MBOAT1: variants seen among roughly 807,000 people sequenced by gnomAD.
The protein encoded by MBOAT1 is membrane bound glycerophospholipid O-acyltransferase 1.
Under a neutral mutation model 64.4 loss-of-function variants are expected in MBOAT1, and 67 were observed. The ratio of observed to expected loss-of-function variants is 1.04; its 90% confidence interval spans 0.85 to 1.27. The LOEUF (loss-of-function observed/expected upper bound fraction) is 1.27, where lower values mean the gene tolerates loss of function less well. Ranked by LOEUF, MBOAT1 falls within the 50% of genes most tolerant of loss-of-function variation. The pLI is 0.00. For missense variants in MBOAT1, 563 were observed against 604.6 expected (o/e 0.93, Z 0.72); for synonymous variants, 229 against 218.9 (o/e 1.05, Z -0.41).
intron 5 of MBOAT1, 73 bp downstream of exon 5, chr6:20,131,071 T>A: frequency 7.5e-7 from 1 of 1,328,432 alleles, no homozygotes; most frequent in Admixed American, 1.7e-5. Context: ...TTGGACTGTG[T>A]ACATAGTATA....
chr6:20,205,758 GC>G (rs955441800), intron 1 of MBOAT1, among the ~76,000 whole-genome samples: 3 of 151,804 alleles, frequency 2.0e-5, no homozygotes, highest in South Asian at 4.2e-4. Flanking sequence ...CTTCCAAAAG[GC>G]CCCCCCACCC....
At chr6:20,200,507 G>A (rs1464212778) in intron 1 of MBOAT1, among the ~76,000 whole-genome samples, 1 of 152,144 alleles carries the variant, frequency 6.6e-6, no homozygotes, top group Non-Finnish European at 1.5e-5. Context: ...AGGCCAGTAG[G>A]AGGCAGAGCC....
At chr6:20,105,543 T>C (rs1414906626) in intron 12 of MBOAT1, among the ~76,000 whole-genome samples, 7 of 152,194 alleles carry the variant, frequency 4.6e-5, no homozygotes, top group Non-Finnish European at 8.8e-5. Context: ...GGTGGGTAGA[T>C]TGCTTGAGTC....
chr6:20,185,252 ACAAT>A (rs764388208), intron 1 of MBOAT1, among the ~76,000 whole-genome samples: 9 of 152,278 alleles, frequency 5.9e-5, no homozygotes, highest in Admixed American at 1.3e-4. Context: ...CAAGACCCTG[ACAAT>A]CAATCAATCA....
chr6:20,188,091 A>G (rs1325332931), intron 1 of MBOAT1, among the ~76,000 whole-genome samples: 5 of 152,200 alleles, frequency 3.3e-5, no homozygotes, highest in African/African-American at 1.2e-4. Context: ...AACCCTACGA[A>G]CTACAAGGGC....
chr6:20,171,648 A>T (rs1762200584), intron 1 of MBOAT1, among the ~76,000 whole-genome samples: 1 of 152,012 alleles, frequency 6.6e-6, no homozygotes. Context: ...TCAAATCCTC[A>T]CTCCCAACTT....
At chr6:20,125,079 A>G (rs1370100560) in intron 7 of MBOAT1, among the ~76,000 whole-genome samples, 3 of 152,146 alleles carry the variant, frequency 2.0e-5, no homozygotes. Context: ...GCCAGCCAGG[A>G]CATGGGCAGG....
chr6:20,133,825 G>C (rs1278654337), intron 4 of MBOAT1, among the ~76,000 whole-genome samples: 1 of 152,190 alleles, frequency 6.6e-6, no homozygotes, highest in Non-Finnish European at 1.5e-5. Context: ...TACATGTGCT[G>C]TGGCCGTAGA....
intron 1 of MBOAT1, among the ~76,000 whole-genome samples, chr6:20,193,045 G>A (rs1214805436): frequency 9.1e-5 from 10 of 109,574 alleles, no homozygotes; most frequent in Non-Finnish European, 1.2e-4. Context: ...TCGCTCTGTC[G>A]CCCAGGCTGG....
chr6:20,189,140 C>T (rs1751701323), intron 1 of MBOAT1, among the ~76,000 whole-genome samples: 1 of 152,110 alleles, frequency 6.6e-6, no homozygotes, highest in South Asian at 2.1e-4. Flanking sequence ...CATTTTGCAC[C>T]CCCTAAGAAT....
intron 5 of MBOAT1, among the ~76,000 whole-genome samples, chr6:20,130,089 A>T (rs1384929780): frequency 6.6e-6 from 1 of 152,184 alleles, no homozygotes; most frequent in Non-Finnish European, 1.5e-5. Flanking sequence ...ATAAATTTCA[A>T]CCTCTCAACA....
In MBOAT1 at chr6:20,212,389, C is replaced by A. The variant is rs541720448; in HGVS notation, c.-155G>T. ...CGGGAGGCCGGGGAATGCGAACCGG[C>A]GCAAACTCTCGAGGCGCAAACTCTC... On this transcript the variant is annotated 5_prime_UTR_variant, in exon 1 of 13. Coordinates refer to ENST00000324607, the MANE Select transcript of MBOAT1 (RefSeq NM_001080480.3). The A allele has an allele frequency of 5.0e-5, 33 of 654,542 alleles. No homozygotes were observed. In the South Asian group the frequency reaches 6.3e-4, roughly 13 times the overall value. 40.5% of individuals were successfully genotyped at this position (654,542 alleles called of 1,614,324 possible).
intron 8 of MBOAT1, among the ~76,000 whole-genome samples, chr6:20,123,142 A>T (rs1035286485): frequency 6.0e-5 from 9 of 150,634 alleles, no homozygotes; most frequent in African/African-American, 1.5e-4. Context: ...AAAAATTATA[A>T]TTTTTTTTAA....
At chr6:20,210,790 T>C (rs1465648522) in intron 1 of MBOAT1, among the ~76,000 whole-genome samples, 1 of 152,194 alleles carries the variant, frequency 6.6e-6, no homozygotes, top group African/African-American at 2.4e-5. Context: ...TCTAGCTGTG[T>C]AGAAGAGCTT....
intron 1 of MBOAT1, among the ~76,000 whole-genome samples, chr6:20,201,751 T>C (rs986156760): frequency 1.3e-5 from 2 of 151,928 alleles, no homozygotes; most frequent in African/African-American, 4.8e-5. Context: ...CGGCTAATTT[T>C]TGTATTTTTA....
rs916568241 is a variant in MBOAT1 at position 20,141,001 on chromosome 6, G to A, written c.419+3219C>T. ...GGTAGCACCAACCCTTGAGAGCCAG[G>A]CAAGAGACCTCCTGCTACCTGAGAT... On this transcript the variant is annotated intron_variant, in intron 4 of 12. Transcript: ENST00000324607. 4.6e-5 allele frequency among the ~76,000 whole-genome samples: 7 copies of A among 152,218 alleles called. 1 individual carries two copies. The highest frequency in any genetic ancestry group is 8.8e-5 in the Non-Finnish European group (6 of 68,022).
At chr6:20,178,478 C>T (rs1414073444) in intron 1 of MBOAT1, among the ~76,000 whole-genome samples, 2 of 152,102 alleles carry the variant, frequency 1.3e-5, no homozygotes, top group African/African-American at 4.8e-5. Flanking sequence ...ATGAATAATC[C>T]TCTAAGCTGT....
At chr6:20,128,804 G>T in intron 5 of MBOAT1, 51 bp from the exon 6 acceptor site, 1 of 1,320,516 alleles carries the variant, frequency 7.6e-7, no homozygotes, top group South Asian at 1.3e-5. Flanking sequence ...TGAATTAGAT[G>T]ACAAATTATA....
intron 3 of MBOAT1, among the ~76,000 whole-genome samples, chr6:20,145,642 C>T (rs1018092983): frequency 7.9e-5 from 12 of 152,356 alleles, no homozygotes; most frequent in South Asian, 4.1e-4. Context: ...AGCTCTACCT[C>T]GCCTTCCTGG....
Sources: gnomAD v4.1 joint callset for allele counts (sites outside exome capture counted in the v4.1 genomes callset) on GRCh38, gnomAD v4.1.1 for gene constraint, MANE v1.5 for transcripts, NCBI Gene and HGNC (gene_info 2026-07-23, HGNC 2026-07-21) for gene names.